MCC: variants seen among roughly 807,000 people sequenced by gnomAD.
MCC encodes colorectal mutant cancer protein.
In MCC, 90 loss-of-function variants were observed where a neutral mutation model predicts 116.2. The ratio of observed to expected loss-of-function variants is 0.77; its 90% CI spans 0.65 to 0.92. The LOEUF (loss-of-function observed/expected upper bound fraction) is 0.92. Among genes scored for constraint, MCC ranks in the 40% least tolerant of loss-of-function variants. The probability of loss-of-function intolerance (pLI) is 0.00; values close to 1 mark genes in which losing one functional copy is unlikely to be tolerated. For synonymous variants in MCC, 578 were observed against 510.5 expected, an observed-to-expected ratio of 1.13 and a Z score of -1.78; for missense variants, 1,516 against 1,312.2, an observed-to-expected ratio of 1.16 and a Z score of -2.40.
intron 3 of MCC, among the ~76,000 whole-genome samples, chr5:113,313,283 G>A (rs1270153615): frequency 4.6e-5 from 7 of 152,084 alleles, no homozygotes; most frequent in African/African-American, 1.7e-4. Context: ...GGAGGCGGAG[G>A]TTGCAGTGAG....
At chr5:113,181,227 T>C (rs1000444564) in intron 3 of MCC, among the ~76,000 whole-genome samples, 2 of 152,230 alleles carry the variant, frequency 1.3e-5, no homozygotes, top group East Asian at 1.9e-4. Flanking sequence ...ACAGAAAGCC[T>C]GGATGTGCAC....
intron 1 of MCC, among the ~76,000 whole-genome samples, chr5:113,423,758 C>T (rs1467582302): frequency 6.6e-6 from 1 of 152,082 alleles, no homozygotes; most frequent in Non-Finnish European, 1.5e-5. Flanking sequence ...CCACCCCCAA[C>T]CCGGCACAGT....
intron 3 of MCC, among the ~76,000 whole-genome samples, chr5:113,275,965 G>GTTTTTT (rs1194323460): frequency 8.3e-6 from 1 of 121,040 alleles, no homozygotes. Flanking sequence ...GATTTCACTT[G>GTTTTTT]TTTTGTTTTT....
chr5:113,461,768 AT>A (rs1437759884), intron 1 of MCC, among the ~76,000 whole-genome samples: 2 of 135,970 alleles, frequency 1.5e-5, no homozygotes, highest in Non-Finnish European at 1.6e-5. Flanking sequence ...AAAAAAAAAA[AT>A]TCTGACAGGT....
chr5:113,089,350 G>A (rs944483811), intron 8 of MCC, among the ~76,000 whole-genome samples: 1 of 152,222 alleles, frequency 6.6e-6, no homozygotes, highest in Non-Finnish European at 1.5e-5. Context: ...GAAGGTTCAA[G>A]TAGGGAAATG....
chr5:113,213,408 G>C (rs781516764), intron 3 of MCC, among the ~76,000 whole-genome samples: 1 of 152,198 alleles, frequency 6.6e-6, no homozygotes, highest in Non-Finnish European at 1.5e-5. Context: ...GATGCCATGT[G>C]AAATGCAAGG....
chr5:113,440,496 TG>T (rs1182803349), intron 1 of MCC, among the ~76,000 whole-genome samples: 2 of 152,152 alleles, frequency 1.3e-5, no homozygotes, highest in African/African-American at 4.8e-5. Flanking sequence ...TGCATCTTAT[TG>T]GTCTTTGGAT....
chr5:113,454,883 A>G (rs1255438561), intron 1 of MCC, among the ~76,000 whole-genome samples: 1 of 152,186 alleles, frequency 6.6e-6, no homozygotes, highest in Non-Finnish European at 1.5e-5. Flanking sequence ...ACACAGTCAT[A>G]AACTGAATAA....
chr5:113,046,373 G>A (rs940387431), intron 16 of MCC, among the ~76,000 whole-genome samples: 2 of 151,968 alleles, frequency 1.3e-5, no homozygotes, highest in African/African-American at 4.8e-5. Flanking sequence ...TGTATTTTTA[G>A]TAGAGATGGG....
At chr5:113,393,683 C>A (rs1769456850) in intron 1 of MCC, among the ~76,000 whole-genome samples, 1 of 152,230 alleles carries the variant, frequency 6.6e-6, no homozygotes, top group Non-Finnish European at 1.5e-5. Context: ...TAATTCCCTA[C>A]ATAGAGAGTA....
At chr5:113,068,268 C>T (rs530618717) in intron 12 of MCC, 85 bp from the exon 13 acceptor site, 2 of 999,898 alleles carry the variant, frequency 2.0e-6, no homozygotes, top group African/African-American at 1.6e-5. Context: ...CAGGAGGCAG[C>T]TCAGGTGCTG....
intron 1 of MCC, among the ~76,000 whole-genome samples, chr5:113,389,261 A>G (rs1410251697): frequency 2.0e-5 from 3 of 152,322 alleles, no homozygotes; most frequent in South Asian, 2.1e-4. Flanking sequence ...AATGACGTAC[A>G]GTCCCCTGTG....
chr5:113,283,652 A>G (rs1766138592), intron 3 of MCC, among the ~76,000 whole-genome samples: 1 of 152,202 alleles, frequency 6.6e-6, no homozygotes, highest in Non-Finnish European at 1.5e-5. Context: ...AGCTCATCTC[A>G]TTATTCCCCC....
At chr5:113,118,186 A>G (rs1031868543) in intron 6 of MCC, among the ~76,000 whole-genome samples, 1 of 152,232 alleles carries the variant, frequency 6.6e-6, no homozygotes, top group Non-Finnish European at 1.5e-5. Context: ...TGCTTGACAC[A>G]GGGTAAGTGA....
At chr5:113,178,644 C>T (rs988127124) in intron 3 of MCC, among the ~76,000 whole-genome samples, 1 of 152,156 alleles carries the variant, frequency 6.6e-6, no homozygotes, top group Non-Finnish European at 1.5e-5. Context: ...TTTAATTCAG[C>T]ACTCATGTAA....
chr5:113,333,864 T>TATGTACATATGTACATATATGTAC (rs1767800565), intron 3 of MCC, among the ~76,000 whole-genome samples: 1 of 114,296 alleles, frequency 8.7e-6, no homozygotes, highest in African/African-American at 3.9e-5. Flanking sequence ...CATATATGTA[T>TATGTACATATGTACATATATGTAC]ATATGTATTC....
rs756233158 is a variant in MCC, at chr5:113,101,869, T to C, written c.1268A>G (p.Lys423Arg). 1.2e-6 allele frequency: 2 copies of C among 1,601,140 alleles called. No homozygotes were observed. Among genetic ancestry groups the C allele is most frequent in the East Asian group, 4.5e-5 (2 of 44,602 alleles). Reference sequence around the variant, plus strand: ...CTCTTCCCTCAGCCCAGCCAGCTCCTTCTCCCACCGAGACCTCTCTTCAGC... The same window carrying C: ...CTCTTCCCTCAGCCCAGCCAGCTCCCTCTCCCACCGAGACCTCTCTTCAGC... Reference protein sequence around the residue: ...NLAEERSRWEKELAGLREENE... With the variant: ...NLAEERSRWERELAGLREENE... The change falls in exon 8 of 19, where the codon AAG (lysine) becomes AGG (arginine). Residue 423 changes from lysine (K) to arginine (R), a missense_variant. Transcript: ENST00000408903.
At chr5:113,162,294 A>C (rs1581180861) in intron 3 of MCC, among the ~76,000 whole-genome samples, 2 of 152,242 alleles carry the variant, frequency 1.3e-5, no homozygotes, top group South Asian at 4.1e-4. Context: ...CTTTGTCAAA[A>C]TGCAAAAACA....
At chr5:113,410,658 C>T (rs992289668) in intron 1 of MCC, among the ~76,000 whole-genome samples, 1 of 152,212 alleles carries the variant, frequency 6.6e-6, no homozygotes, top group Non-Finnish European at 1.5e-5. Flanking sequence ...ATGTGCACAA[C>T]GTGCAGGTTA....
Sources: gnomAD v4.1 joint callset for allele counts (sites outside exome capture counted in the v4.1 genomes callset) on GRCh38, gnomAD v4.1.1 for gene constraint, MANE v1.5 for transcripts, NCBI Gene and HGNC (gene_info 2026-07-23, HGNC 2026-07-21) for gene names.